Variants in ACSS3 observed in about 807,000 individuals in gnomAD.
ACSS3 encodes the protein acyl-CoA synthetase short-chain family member 3, mitochondrial.
A neutral mutation model predicts 84.2 loss-of-function variants in ACSS3; 64 were observed. The ratio of observed to expected loss-of-function variants is 0.76; its 90% confidence interval spans 0.62 to 0.94. The LOEUF (loss-of-function observed/expected upper bound fraction) is 0.94. ACSS3 is among the 40% of genes least tolerant of loss of function. The pLI, the probability that ACSS3 is intolerant of heterozygous loss-of-function variation, is 0.00. For missense variants in ACSS3, 815 were observed against 867.6 expected (o/e 0.94, Z 0.76); for synonymous variants, 317 against 310.1 (o/e 1.02, Z -0.23).
intron 13 of ACSS3, among the ~76,000 whole-genome samples, chr12:81,242,880 T>C (rs1336180795): frequency 6.6e-6 from 1 of 152,120 alleles, no homozygotes; most frequent in Admixed American, 6.5e-5. Flanking sequence ...GAGCTACCTA[T>C]GACAAACCCA....
chr12:81,253,439 A>G (rs1430016594), intron 14 of ACSS3, 33 bp downstream of exon 14: 2 of 1,613,586 alleles, frequency 1.2e-6, no homozygotes, highest in Non-Finnish European at 1.7e-6. Flanking sequence ...ATTGCTTGGG[A>G]CCTGAATAAT....
chr12:81,101,962 A>T (rs1367024429), intron 1 of ACSS3, among the ~76,000 whole-genome samples: 3 of 151,794 alleles, frequency 2.0e-5, no homozygotes, highest in Non-Finnish European at 4.4e-5. Flanking sequence ...AAATATTGCA[A>T]ATATGTCTTT....
chr12:81,246,167 G>A (rs1032362155), intron 13 of ACSS3, among the ~76,000 whole-genome samples: 3 of 152,124 alleles, frequency 2.0e-5, no homozygotes, highest in Non-Finnish European at 4.4e-5. Context: ...AGAGTACCCA[G>A]GGCTCCCTCC....
At position 81,196,182 on chromosome 12, in the gene ACSS3, T is replaced by A. The variant is rs560689915; in HGVS notation, c.1251-3159T>A. Reference sequence around the variant, plus strand: ...TTGAGTATGTAATATTAAATTAAAATTTTTCTTCCTCCAGGCCAGTATAAG... The same window carrying A: ...TTGAGTATGTAATATTAAATTAAAAATTTTCTTCCTCCAGGCCAGTATAAG... On this transcript the variant is annotated intron_variant, in intron 8 of 15. Coordinates refer to ENST00000548058, the MANE Select transcript of ACSS3 (RefSeq NM_024560.4). Among the ~76,000 whole-genome samples, 115 of 152,208 alleles carry A rather than the reference T, an allele frequency of 7.6e-4. 1 individual carries two copies. The highest frequency in any genetic ancestry group is 2.7e-3 in the African/African-American group (111 of 41,540).
intron 7 of ACSS3, among the ~76,000 whole-genome samples, chr12:81,157,807 A>G (rs1428687320): frequency 6.6e-6 from 1 of 152,126 alleles, no homozygotes; most frequent in Non-Finnish European, 1.5e-5. Context: ...ACTCCCTCTC[A>G]AAAAATAAAT....
At chr12:81,133,858 ATACT>A (rs1482320556) in intron 2 of ACSS3, among the ~76,000 whole-genome samples, 1 of 152,104 alleles carries the variant, frequency 6.6e-6, no homozygotes, top group Non-Finnish European at 1.5e-5. Flanking sequence ...CATATAATAG[ATACT>A]TAATATATAT....
chr12:81,202,678 G>T (rs551245484), intron 9 of ACSS3, among the ~76,000 whole-genome samples: 1 of 152,188 alleles, frequency 6.6e-6, no homozygotes, highest in East Asian at 1.9e-4. Flanking sequence ...AAATTCATAT[G>T]TGTATGAATA....
rs1182342757 is a variant in ACSS3 at position 81,213,941 on chromosome 12, CT to C, written c.1355-2959del. ...CCTTCCTTCCTTCCTTCCTTTCTCT[CT>C]CTCTCTCCCTCTCTCTCTTTCTTTC... is the stretch of plus-strand genomic sequence containing the variant. On this transcript the variant is annotated intron_variant, in intron 9 of 15. Coordinates refer to ENST00000548058, the MANE Select transcript of ACSS3 (RefSeq NM_024560.4). Among the ~76,000 whole-genome samples, 708 of 86,178 alleles carry C rather than the reference CT, an allele frequency of 8.2e-3. 42 individuals are homozygous for C. The highest frequency in any genetic ancestry group is 0.014 in the Non-Finnish European group (585 of 40,942). The allele number at this position is 86,178 out of a possible 152,430, so 56.5% of individuals were successfully genotyped here. A position where few individuals can be genotyped will look rare whatever the true frequency, so the allele number is the denominator to read the frequency against.
intron 13 of ACSS3, among the ~76,000 whole-genome samples, chr12:81,244,871 ACT>A (rs1044237986): frequency 5.5e-4 from 84 of 151,556 alleles, no homozygotes; most frequent in African/African-American, 1.7e-3. Context: ...GTCATATGAA[ACT>A]CTGTTTCTAA....
intron 5 of ACSS3, among the ~76,000 whole-genome samples, chr12:81,148,824 G>A (rs996489086): frequency 4.0e-5 from 6 of 150,704 alleles, no homozygotes; most frequent in African/African-American, 1.5e-4. Flanking sequence ...CACTTTGGAA[G>A]GCCGAGGCGG....
intron 8 of ACSS3, among the ~76,000 whole-genome samples, chr12:81,190,677 A>T (rs1333377795): frequency 1.3e-5 from 2 of 152,046 alleles, no homozygotes; most frequent in African/African-American, 4.8e-5. Flanking sequence ...TCTCATCCAG[A>T]TTATCAGGAA....
intron 1 of ACSS3, among the ~76,000 whole-genome samples, chr12:81,083,076 A>G (rs1881086665): frequency 6.6e-6 from 1 of 152,232 alleles, no homozygotes. Context: ...CATAGAGGTA[A>G]GAAAAGCCAA....
intron 13 of ACSS3, among the ~76,000 whole-genome samples, chr12:81,245,472 A>C (rs1414188034): frequency 6.6e-6 from 1 of 152,170 alleles, no homozygotes; most frequent in East Asian, 1.9e-4. Context: ...AAAAAAACAA[A>C]CAAACAAAAA....
intron 8 of ACSS3, among the ~76,000 whole-genome samples, chr12:81,191,769 GCTC>G (rs1222728829): frequency 6.6e-6 from 1 of 151,650 alleles, no homozygotes; most frequent in East Asian, 1.9e-4. Flanking sequence ...TATTTCACAG[GCTC>G]TGTTTGATGA....
At chr12:81,077,959 C>G (rs2121231995), upstream of ACSS3, 3 of 812,296 alleles carry the variant, frequency 3.7e-6, no homozygotes, top group East Asian at 8.8e-5. Context: ...TCTGGTCGCT[C>G]CAGGTCGGTT....
At chr12:81,129,244 A>T (rs1885323907) in intron 2 of ACSS3, among the ~76,000 whole-genome samples, 1 of 152,184 alleles carries the variant, frequency 6.6e-6, no homozygotes, top group South Asian at 2.1e-4. Flanking sequence ...GTAGGTATGT[A>T]TCACACTTTC....
chr12:81,207,530 A>G (rs1197147783), intron 9 of ACSS3, among the ~76,000 whole-genome samples: 4 of 152,184 alleles, frequency 2.6e-5, no homozygotes, highest in Admixed American at 2.0e-4. Context: ...CTAACAACCT[A>G]GAAGAATTCC....
intron 9 of ACSS3, among the ~76,000 whole-genome samples, chr12:81,202,521 T>C (rs562489242): frequency 1.9e-4 from 29 of 152,280 alleles, no homozygotes; most frequent in Middle Eastern, 6.8e-3. Flanking sequence ...GAAACACATG[T>C]TAATGTTTAA....
intron 3 of ACSS3, among the ~76,000 whole-genome samples, chr12:81,137,086 T>C (rs1274318273): frequency 6.6e-6 from 1 of 152,076 alleles, no homozygotes; most frequent in African/African-American, 2.4e-5. Flanking sequence ...AGATTAGTTA[T>C]TAAAACAAGA....
Sources: gnomAD v4.1 joint callset for allele counts (sites outside exome capture counted in the v4.1 genomes callset) on GRCh38, gnomAD v4.1.1 for gene constraint, MANE v1.5 for transcripts, NCBI Gene and HGNC (gene_info 2026-07-23, HGNC 2026-07-21) for gene names.